Variants in ASTN2 observed in about 807,000 individuals in gnomAD.
ASTN2 encodes the protein astrotactin-2.
A neutral mutation model predicts 139.8 loss-of-function variants in ASTN2; 54 were observed. That is an observed-to-expected ratio of 0.39 (90% CI 0.31 to 0.48). The LOEUF (loss-of-function observed/expected upper bound fraction) is 0.48. Among genes scored for constraint, ASTN2 ranks in the 20% least tolerant of loss-of-function variants. The probability of loss-of-function intolerance (pLI) is 0.95; values close to 1 mark genes in which losing one functional copy is unlikely to be tolerated. For missense variants in ASTN2, 1,565 were observed against 1,725.1 expected, an observed-to-expected ratio of 0.91 and a Z score of 1.64; for synonymous variants, 756 against 719.5, an observed-to-expected ratio of 1.05 and a Z score of -0.81.
chr9:117,139,687 C>G (rs1038707630), intron 4 of ASTN2, among the ~76,000 whole-genome samples: 2 of 152,072 alleles, frequency 1.3e-5, no homozygotes, highest in Admixed American at 6.5e-5. Context: ...TAAGACAATC[C>G]CTACCTTCAA....
intron 22 of ASTN2, among the ~76,000 whole-genome samples, chr9:116,437,811 A>G (rs1035309181): frequency 1.3e-5 from 2 of 152,202 alleles, no homozygotes; most frequent in African/African-American, 4.8e-5. Context: ...TTTCATGTGC[A>G]AGGGAGAAAG....
At chr9:117,141,129 C>T (rs1830064477) in intron 4 of ASTN2, among the ~76,000 whole-genome samples, 197 bp downstream of exon 4, 2 of 152,124 alleles carry the variant, frequency 1.3e-5, no homozygotes, top group Admixed American at 1.3e-4. Context: ...TCAGTTGAGG[C>T]ACCTGGGGCT....
intron 6 of ASTN2, among the ~76,000 whole-genome samples, chr9:117,038,367 T>C (rs1378749466): frequency 2.0e-5 from 3 of 152,192 alleles, no homozygotes; most frequent in South Asian, 2.1e-4. Flanking sequence ...TCAGAAAGTT[T>C]ATTGCGTCTA....
intron 6 of ASTN2, among the ~76,000 whole-genome samples, chr9:117,008,992 A>C (rs914990232): frequency 1.3e-5 from 2 of 152,170 alleles, no homozygotes; most frequent in African/African-American, 4.8e-5. Flanking sequence ...AGCAGCACTC[A>C]CCCAAGAAAA....
intron 2 of ASTN2, among the ~76,000 whole-genome samples, chr9:117,260,358 A>C (rs1367348859): frequency 6.6e-6 from 1 of 152,222 alleles, no homozygotes; most frequent in African/African-American, 2.4e-5. Flanking sequence ...AAGGTCTACC[A>C]TCAAAAGTAC....
chr9:117,065,493 A>G (rs1827908950), intron 5 of ASTN2, among the ~76,000 whole-genome samples: 1 of 152,090 alleles, frequency 6.6e-6, no homozygotes, highest in Non-Finnish European at 1.5e-5. Flanking sequence ...AAGTGTGTAT[A>G]TCTCCATCAA....
chr9:117,258,618 C>T lies in ASTN2; in HGVS notation c.630+32708G>A, dbSNP rs147894461. Among the ~76,000 whole-genome samples, 540 of 152,248 alleles carry T rather than the reference C, an allele frequency of 3.5e-3. 1 individual carries two copies. Among genetic ancestry groups the T allele is most frequent in the South Asian group, 0.013 (62 of 4,818 alleles). On this transcript the variant is annotated intron_variant, in intron 2 of 22. Coordinates refer to ENST00000313400, the MANE Select transcript of ASTN2 (RefSeq NM_001365068.1). ...TTGTAAAGGTCTGCTGTGTCTCCAT[C>T]GCCTGCAGGATAAAATCCAAGCCTT...
chr9:116,481,815 A>C (rs1849178369), intron 20 of ASTN2, among the ~76,000 whole-genome samples: 1 of 152,180 alleles, frequency 6.6e-6, no homozygotes, highest in Non-Finnish European at 1.5e-5. Flanking sequence ...TTTCCATTGC[A>C]AACAGTGTCA....
chr9:117,032,944 C>A (rs908053364), intron 6 of ASTN2, among the ~76,000 whole-genome samples: 5 of 152,076 alleles, frequency 3.3e-5, no homozygotes, highest in Non-Finnish European at 4.4e-5. Flanking sequence ...TTTAAAATAA[C>A]CTGAATAAAA....
chr9:116,521,582 A>G (rs936639636), intron 19 of ASTN2, among the ~76,000 whole-genome samples: 1 of 152,134 alleles, frequency 6.6e-6, no homozygotes, highest in Non-Finnish European at 1.5e-5. Flanking sequence ...CTTTCTGGAA[A>G]TTGGCTTAGG....
At chr9:116,871,484 C>T (rs2132353512) in intron 10 of ASTN2, among the ~76,000 whole-genome samples, 1 of 152,256 alleles carries the variant, frequency 6.6e-6, no homozygotes, top group South Asian at 2.1e-4. Context: ...CCCAATGACC[C>T]TTGTGTTGGG....
chr9:116,733,253 G>A (rs1422053607), intron 14 of ASTN2, 146 bp downstream of exon 14: 1 of 1,129,094 alleles, frequency 8.9e-7, no homozygotes, highest in East Asian at 2.4e-5. Context: ...GCCCAAGAAA[G>A]GGTAAGTTCC....
At chr9:116,791,449 G>A (rs747597016) in intron 13 of ASTN2, among the ~76,000 whole-genome samples, 1 of 152,182 alleles carries the variant, frequency 6.6e-6, no homozygotes. Flanking sequence ...CCAGCAGCTG[G>A]GCTGGCTCAT....
At chr9:117,235,614 C>G (rs1226512529) in intron 2 of ASTN2, among the ~76,000 whole-genome samples, 1 of 152,186 alleles carries the variant, frequency 6.6e-6, no homozygotes, top group East Asian at 1.9e-4. Context: ...GGTTTAAAAG[C>G]CTTTCCCTTC....
chr9:116,569,513 C>A (rs1451627919), intron 19 of ASTN2, among the ~76,000 whole-genome samples: 1 of 152,218 alleles, frequency 6.6e-6, no homozygotes, highest in East Asian at 1.9e-4. Flanking sequence ...TCCAGCTCTG[C>A]TGTTTATCTG....
chr9:117,271,872 G>C (rs967987862), intron 2 of ASTN2, among the ~76,000 whole-genome samples: 8 of 152,194 alleles, frequency 5.3e-5, no homozygotes, highest in African/African-American at 1.9e-4. Flanking sequence ...CTCCCTCCCA[G>C]CTGCTTTAAT....
chr9:117,274,733 T>C (rs1392605550), intron 2 of ASTN2, among the ~76,000 whole-genome samples: 1 of 152,232 alleles, frequency 6.6e-6, no homozygotes, highest in East Asian at 1.9e-4. Context: ...TGTAAGGTTC[T>C]GACAGGTTAG....
At chr9:116,871,220 G>A (rs550369381) in intron 10 of ASTN2, among the ~76,000 whole-genome samples, 30 of 152,146 alleles carry the variant, frequency 2.0e-4, no homozygotes, top group Non-Finnish European at 3.5e-4. Flanking sequence ...ATCGTGCCAC[G>A]GCACTGCAGC....
intron 4 of ASTN2, among the ~76,000 whole-genome samples, chr9:117,102,543 A>G (rs1255953120): frequency 6.6e-6 from 1 of 152,114 alleles, no homozygotes; most frequent in Non-Finnish European, 1.5e-5. Flanking sequence ...TATTATTGAG[A>G]CAGAGTTTCA....
Sources: gnomAD v4.1 joint callset for allele counts (sites outside exome capture counted in the v4.1 genomes callset) on GRCh38, gnomAD v4.1.1 for gene constraint, MANE v1.5 for transcripts, NCBI Gene and HGNC (gene_info 2026-07-23, HGNC 2026-07-21) for gene names.